Variants in COMMD10 observed in about 807,000 individuals in gnomAD.
COMMD10 encodes COMM domain containing 10, also known as COMM domain-containing protein 10.
COMMD10 carries 33 observed loss-of-function variants against 28.9 expected under a neutral mutation model. The ratio of observed to expected loss-of-function variants is 1.14; its 90% CI spans 0.87 to 1.53. The LOEUF (loss-of-function observed/expected upper bound fraction) is 1.53. COMMD10 is among the 40% of genes most tolerant of loss of function. The pLI, the probability that COMMD10 is intolerant of heterozygous loss-of-function variation, is 0.00. For synonymous variants in COMMD10, 110 were observed against 81.7 expected, an observed-to-expected ratio of 1.35 and a Z score of -1.87; for missense variants, 310 against 233.4, an observed-to-expected ratio of 1.33 and a Z score of -2.14.
At chr5:116,291,477 T>G (rs922969919) in intron 5 of COMMD10, 40 bp from the exon 6 acceptor site, 4 of 1,353,278 alleles carry the variant, frequency 3.0e-6, no homozygotes, top group Non-Finnish European at 4.2e-6. Flanking sequence ...ATGTAAATTG[T>G]GTGCAACTAC....
intron 5 of COMMD10, among the ~76,000 whole-genome samples, chr5:116,179,446 A>G (rs1471619749): frequency 6.6e-6 from 1 of 152,110 alleles, no homozygotes; most frequent in Admixed American, 6.6e-5. Flanking sequence ...TCCATTCGTA[A>G]ATACCCACGA....
chr5:116,110,997 C>G (rs563747404), intron 4 of COMMD10, among the ~76,000 whole-genome samples: 3 of 152,262 alleles, frequency 2.0e-5, no homozygotes, highest in African/African-American at 4.8e-5. Context: ...AACATACATC[C>G]AAACTATATC....
At position 116,272,108 on chromosome 5, in the gene COMMD10, G is replaced by A. The variant is rs529324278; in HGVS notation, c.511-19409G>A. Among the ~76,000 whole-genome samples, 260 of 151,776 alleles carry A rather than the reference G, an allele frequency of 1.7e-3. 5 individuals are homozygous for A. The highest frequency in any genetic ancestry group is 5.9e-3 in the African/African-American group (245 of 41,224). On this transcript the variant is annotated intron_variant, in intron 5 of 6. Coordinates refer to ENST00000274458, the MANE Select transcript of COMMD10 (RefSeq NM_016144.4). ...ATGCAAATTTTATTTCTCAACATAGGCTCCATTAAGGTCGAGACACTTTTC... is the reference window on the plus strand; with the variant it reads ...ATGCAAATTTTATTTCTCAACATAGACTCCATTAAGGTCGAGACACTTTTC...
At chr5:116,181,706 G>T (rs1350486633) in intron 5 of COMMD10, among the ~76,000 whole-genome samples, 1 of 151,876 alleles carries the variant, frequency 6.6e-6, no homozygotes, top group Admixed American at 6.6e-5. Flanking sequence ...GGAACCGTTT[G>T]ACCTAATCAA....
chr5:116,155,805 AC>A (rs1218641229), intron 5 of COMMD10, among the ~76,000 whole-genome samples: 1 of 152,078 alleles, frequency 6.6e-6, no homozygotes, highest in Non-Finnish European at 1.5e-5. Context: ...ACTGCTTTAA[AC>A]AATAGGGGTT....
intron 5 of COMMD10, among the ~76,000 whole-genome samples, chr5:116,171,583 G>A (rs1407188665): frequency 1.3e-5 from 2 of 152,096 alleles, no homozygotes; most frequent in African/African-American, 2.4e-5. Context: ...CAACCCAAAT[G>A]CCCATCAATG....
intron 5 of COMMD10, among the ~76,000 whole-genome samples, chr5:116,177,118 C>G (rs1385002409): frequency 2.6e-5 from 4 of 152,004 alleles, no homozygotes; most frequent in Admixed American, 2.0e-4. Flanking sequence ...GTAGCATGTT[C>G]TAGATCACGT....
chr5:116,193,010 G>C (rs1230177905), intron 5 of COMMD10, among the ~76,000 whole-genome samples: 1 of 152,150 alleles, frequency 6.6e-6, no homozygotes, highest in South Asian at 2.1e-4. Flanking sequence ...CTTATCTTCA[G>C]CCTCCTCACA....
intron 5 of COMMD10, among the ~76,000 whole-genome samples, chr5:116,198,611 T>A (rs1466944330): frequency 6.6e-6 from 1 of 152,126 alleles, no homozygotes; most frequent in Non-Finnish European, 1.5e-5. Context: ...TGACAGTACA[T>A]CCACCACTGT....
intron 4 of COMMD10, among the ~76,000 whole-genome samples, chr5:116,121,522 G>T (rs548013368): frequency 6.6e-6 from 1 of 152,174 alleles, no homozygotes; most frequent in Non-Finnish European, 1.5e-5. Context: ...GGGTCACATG[G>T]TATTTCTAGT....
Position 116,092,718 on chromosome 5 carries a change from TTAAA to T in COMMD10, c.399+21_399+24del. ...CCTGTAAGGTATAGAACATACTGTC[TTAAA>T]TATGTTTTTCAATAACATATGGCAT... is the stretch of plus-strand genomic sequence containing the variant. On this transcript the variant is annotated intron_variant, in intron 4 of 6. Transcript: ENST00000274458. The T allele has an allele frequency of 6.7e-7, 1 of 1,488,850 alleles. No homozygotes were observed. The highest frequency in any genetic ancestry group is 9.0e-7 in the Non-Finnish European group (1 of 1,110,014). The allele number at this position is 1,488,850 out of a possible 1,614,324, so 92.2% of individuals were successfully genotyped here. A position where few individuals can be genotyped will look rare whatever the true frequency, so the allele number is the denominator to read the frequency against.
intron 5 of COMMD10, among the ~76,000 whole-genome samples, chr5:116,182,236 T>G (rs947851168): frequency 6.6e-6 from 1 of 152,116 alleles, no homozygotes; most frequent in Non-Finnish European, 1.5e-5. Flanking sequence ...AAAGTTTCTT[T>G]ACTCTAAGAA....
chr5:116,248,917 A>G (rs979521668), intron 5 of COMMD10, among the ~76,000 whole-genome samples: 1 of 152,022 alleles, frequency 6.6e-6, no homozygotes, highest in African/African-American at 2.4e-5. Context: ...AGTTACTGAC[A>G]TCTTGTTTGA....
At chr5:116,252,806 C>G (rs1032973009) in intron 5 of COMMD10, among the ~76,000 whole-genome samples, 2 of 126,362 alleles carry the variant, frequency 1.6e-5, no homozygotes, top group South Asian at 2.8e-4. Flanking sequence ...TCCATATGAA[C>G]TTTAAAGTAG....
chr5:116,193,088 T>C (rs1386657824), intron 5 of COMMD10, among the ~76,000 whole-genome samples: 1 of 152,188 alleles, frequency 6.6e-6, no homozygotes, highest in Non-Finnish European at 1.5e-5. Flanking sequence ...GGAAAGATAG[T>C]CTTTTTCGGA....
At chr5:116,247,628 G>A (rs956540974) in intron 5 of COMMD10, among the ~76,000 whole-genome samples, 1 of 152,068 alleles carries the variant, frequency 6.6e-6, no homozygotes, top group Non-Finnish European at 1.5e-5. Flanking sequence ...ATACTATGCA[G>A]CCATAAAAAA....
At position 116,242,584 on chromosome 5, in the gene COMMD10, G is replaced by A. The variant is rs1385333854; in HGVS notation, c.511-48933G>A. Among the ~76,000 whole-genome samples the A allele has an allele frequency of 2.6e-5, 4 of 152,260 alleles. No individual in the cohort carries two copies. In the East Asian group the frequency reaches 7.7e-4, roughly 29 times the overall value. Reference sequence around the variant, plus strand: ...TCCAAAGCTTGTATTATTTTGAAAAGCAGCCAGTTTCTGGAACTATGTCCT... The same window carrying A: ...TCCAAAGCTTGTATTATTTTGAAAAACAGCCAGTTTCTGGAACTATGTCCT... On this transcript the variant is annotated intron_variant, in intron 5 of 6. Transcript: ENST00000274458.
At chr5:116,117,493 G>A (rs963548685) in intron 4 of COMMD10, among the ~76,000 whole-genome samples, 1 of 152,064 alleles carries the variant, frequency 6.6e-6, no homozygotes, top group Non-Finnish European at 1.5e-5. Flanking sequence ...GTAGGGTCTC[G>A]CTCTGTGGCC....
At chr5:116,233,292 T>C (rs1328495707) in intron 5 of COMMD10, among the ~76,000 whole-genome samples, 1 of 152,136 alleles carries the variant, frequency 6.6e-6, no homozygotes, top group Non-Finnish European at 1.5e-5. Flanking sequence ...TTATTGTTAA[T>C]CTTTTACAGT....
Sources: allele counts gnomAD v4.1 joint callset (sites outside exome capture counted in the v4.1 genomes callset), GRCh38; gene constraint gnomAD v4.1.1; transcripts MANE v1.5; gene names NCBI Gene and HGNC (gene_info 2026-07-23, HGNC 2026-07-21).